PRDM5: variants seen among roughly 807,000 people sequenced by gnomAD.
PRDM5 encodes PR/SET domain 5.
In PRDM5, 56 loss-of-function variants were observed where a neutral mutation model predicts 81.2. That is an observed-to-expected ratio of 0.69 (90% CI 0.56 to 0.86). PRDM5 has a LOEUF of 0.86. Ranked by LOEUF, PRDM5 falls within the 40% of genes least tolerant of loss-of-function variation. PRDM5 has a pLI of 0.00. For missense variants in PRDM5, 697 were observed against 770.1 expected (o/e 0.91, Z 1.12); for synonymous variants, 267 against 256.4 (o/e 1.04, Z -0.39).
chr4:120,900,690 G>C (rs1765136624), intron 2 of PRDM5, among the ~76,000 whole-genome samples: 1 of 152,132 alleles, frequency 6.6e-6, no homozygotes, highest in Non-Finnish European at 1.5e-5. Context: ...CAACTCATCT[G>C]CTATGTACAC....
At chr4:120,795,342 G>A (rs1331719627) in intron 10 of PRDM5, among the ~76,000 whole-genome samples, 1 of 152,056 alleles carries the variant, frequency 6.6e-6, no homozygotes, top group Non-Finnish European at 1.5e-5. Context: ...TATATGACAG[G>A]GAACACAATG....
At chr4:120,882,523 A>G (rs954960488) in intron 2 of PRDM5, among the ~76,000 whole-genome samples, 2 of 152,184 alleles carry the variant, frequency 1.3e-5, no homozygotes, top group Non-Finnish European at 2.9e-5. Context: ...CTGCATCAGT[A>G]GTATATTTTC....
At chr4:120,742,647 G>A (rs1417939373) in intron 14 of PRDM5, among the ~76,000 whole-genome samples, 3 of 152,220 alleles carry the variant, frequency 2.0e-5, no homozygotes, top group Non-Finnish European at 1.5e-5. Flanking sequence ...AGCCTCAGGA[G>A]CCGAAGCGAT....
chr4:120,689,757 G>A (rs1332344758), downstream of PRDM5, among the ~76,000 whole-genome samples: 1 of 151,954 alleles, frequency 6.6e-6, no homozygotes, highest in Non-Finnish European at 1.5e-5. Flanking sequence ...CAAGATTACA[G>A]GTGCGTGCCA....
At chr4:120,815,445 A>G (rs956212108) in intron 7 of PRDM5, among the ~76,000 whole-genome samples, 14 of 152,206 alleles carry the variant, frequency 9.2e-5, no homozygotes, top group Non-Finnish European at 7.3e-5. Context: ...TGCACTTAAT[A>G]TGCAGCCCAA....
intron 14 of PRDM5, among the ~76,000 whole-genome samples, chr4:120,747,958 G>T (rs1434054230): frequency 6.6e-6 from 1 of 152,196 alleles, no homozygotes; most frequent in African/African-American, 2.4e-5. Flanking sequence ...TACGAGACGT[G>T]AAGTTTTCTA....
chr4:120,771,166 A>G (rs1051978534), intron 13 of PRDM5, among the ~76,000 whole-genome samples: 1 of 152,094 alleles, frequency 6.6e-6, no homozygotes, highest in African/African-American at 2.4e-5. Flanking sequence ...GCCATTATAA[A>G]CAGTTTTTCA....
intron 15 of PRDM5, among the ~76,000 whole-genome samples, chr4:120,700,501 A>G (rs866684479): frequency 1.3e-4 from 20 of 152,328 alleles, no homozygotes; most frequent in African/African-American, 4.6e-4. Context: ...AAAACAATCA[A>G]TAAAATAAAC....
At chr4:120,897,370 TC>T (rs750754109) in intron 2 of PRDM5, among the ~76,000 whole-genome samples, 1 of 152,172 alleles carries the variant, frequency 6.6e-6, no homozygotes, top group Non-Finnish European at 1.5e-5. Flanking sequence ...TTTTAATGTC[TC>T]CTTTTTTTTC....
At chr4:120,697,701 T>TA (rs1734715789) in intron 15 of PRDM5, among the ~76,000 whole-genome samples, 1 of 143,586 alleles carries the variant, frequency 7.0e-6, no homozygotes, top group Non-Finnish European at 1.5e-5. Flanking sequence ...TTGTATTTTT[T>TA]ACCTATGAGA....
chr4:120,916,793 C>G (rs1579235774), intron 1 of PRDM5, among the ~76,000 whole-genome samples: 1 of 152,194 alleles, frequency 6.6e-6, no homozygotes, highest in Admixed American at 6.5e-5. Flanking sequence ...GTGGAATCAT[C>G]CTGAATCCTT....
chr4:120,735,275 T>C (rs990013874), intron 14 of PRDM5, among the ~76,000 whole-genome samples: 2 of 152,232 alleles, frequency 1.3e-5, no homozygotes, highest in Non-Finnish European at 2.9e-5. Context: ...ACTGATTTTA[T>C]TCCTACTGTT....
chr4:120,829,939 C>G (rs1020466076), intron 3 of PRDM5, among the ~76,000 whole-genome samples: 4 of 151,922 alleles, frequency 2.6e-5, no homozygotes, highest in Non-Finnish European at 5.9e-5. Context: ...AAAAAGAAAA[C>G]AGAATGAAAC....
At chr4:120,815,007 T>C (rs1452033755) in intron 7 of PRDM5, among the ~76,000 whole-genome samples, 1 of 152,228 alleles carries the variant, frequency 6.6e-6, no homozygotes, top group African/African-American at 2.4e-5. Flanking sequence ...TCAAAGACAT[T>C]GTGCTTATAG....
chr4:120,729,470 AG>A (rs762618723), intron 14 of PRDM5, among the ~76,000 whole-genome samples: 3 of 152,174 alleles, frequency 2.0e-5, no homozygotes, highest in Admixed American at 6.5e-5. Flanking sequence ...TAATTCACAC[AG>A]CCTAAACACC....
chr4:120,876,163 C>T lies in PRDM5; in HGVS notation c.178-22623G>A, dbSNP rs371033733. ...ACACTCACACCTCAAATATCTACCA[C>T]CTTCCTTGGTTCACCACATGTATTG... On this transcript the variant is annotated intron_variant, in intron 2 of 15. Coordinates refer to ENST00000264808, the MANE Select transcript of PRDM5 (RefSeq NM_018699.4). Among the ~76,000 whole-genome samples, 105 of 152,250 alleles carry T rather than the reference C, an allele frequency of 6.9e-4. 1 individual carries two copies. The South Asian group carries it at 0.022, about 31-fold the overall frequency.
In PRDM5 at chr4:120,853,465, C is replaced by G. The variant is rs770813235; in HGVS notation, c.253G>C (p.Val85Leu). 6.2e-7 allele frequency: 1 copy of G among 1,613,768 alleles called. No individual in the cohort carries two copies. The highest frequency in any genetic ancestry group is 8.5e-7 in the Non-Finnish European group (1 of 1,179,760). Residue 85 changes from valine to leucine, a missense_variant, in exon 3 of 16, where the codon GTT (valine) becomes CTT (leucine). Around this residue, in one of 3 missense-constraint regions of PRDM5, gnomAD observed 577 missense variants for 606.7 expected, o/e 0.95. Coordinates refer to ENST00000264808, the MANE Select transcript of PRDM5 (RefSeq NM_018699.4). ...NPRHSNWLRF[V>L]HEAPSQEQKN... ...TGCTCCTGAGATGGTGCCTCATGAA[C>G]GAAGCGAAGCCAGTTGGAGTGCCGT... is the stretch of plus-strand genomic sequence containing the variant.
intron 3 of PRDM5, among the ~76,000 whole-genome samples, chr4:120,846,880 T>C (rs1233686488): frequency 2.0e-5 from 3 of 152,130 alleles, no homozygotes; most frequent in South Asian, 2.1e-4. Flanking sequence ...AGATGCTCCA[T>C]AGCTATGGGT....
intron 7 of PRDM5, chr4:120,816,210 A>C: frequency 1.7e-6 from 1 of 583,200 alleles, no homozygotes; most frequent in South Asian, 2.0e-5. Flanking sequence ...ACATAACTAG[A>C]CTTTAACTAA....
Sources: gnomAD v4.1 joint callset for allele counts (sites outside exome capture counted in the v4.1 genomes callset) on GRCh38, gnomAD v4.1.1 for gene constraint, gnomAD v4.1.1 regional missense constraint, MANE v1.5 for transcripts, NCBI Gene and HGNC (gene_info 2026-07-23, HGNC 2026-07-21) for gene names.